ARMH4: variants seen among roughly 807,000 people sequenced by gnomAD.
ARMH4 encodes the protein armadillo-like helical domain-containing protein 4.
Under a neutral mutation model 61.9 loss-of-function variants are expected in ARMH4, and 49 were observed. The ratio of observed to expected loss-of-function variants is 0.79; its 90% confidence interval spans 0.63 to 1.00. The LOEUF is 1.00. Ranked by LOEUF, ARMH4 falls within the 50% of genes least tolerant of loss-of-function variation. The pLI, the probability that ARMH4 is intolerant of heterozygous loss-of-function variation, is 0.00. For missense variants in ARMH4, 934 were observed against 930.0 expected (o/e 1.00, Z -0.06); for synonymous variants, 368 against 341.5 (o/e 1.08, Z -0.85).
chr14:58,020,802 AAG>A (rs1471641593), intron 5 of ARMH4, among the ~76,000 whole-genome samples: 2 of 152,198 alleles, frequency 1.3e-5, no homozygotes, highest in African/African-American at 2.4e-5. Flanking sequence ...AGCAATGCTG[AAG>A]AGAGAGAGAA....
chr14:58,131,410 A>C, intron 4 of ARMH4, 102 bp downstream of exon 4: 11 of 899,612 alleles, frequency 1.2e-5, no homozygotes, highest in Non-Finnish European at 1.7e-5. Context: ...TCTGATCTAT[A>C]CTGCAGATTG....
At position 58,138,753 on chromosome 14, in the gene ARMH4, C is replaced by T. The variant is rs1314352596; in HGVS notation, c.606G>A (p.Leu202=). ...FATESQEGVG[L]GHSPSSYVNT... ...TCACATAGGATGAAGGTGAATGTCCCAAACCAACTCCTTCCTGACTTTCAG... is the reference window on the plus strand; with the variant it reads ...TCACATAGGATGAAGGTGAATGTCCTAAACCAACTCCTTCCTGACTTTCAG... The change falls in exon 2 of 8, where the codon TTG becomes TTA. Residue 202 remains leucine, a synonymous_variant. Coordinates refer to ENST00000267485, the MANE Select transcript of ARMH4 (RefSeq NM_001001872.4). 2 of 1,614,080 alleles carry T rather than the reference C, an allele frequency of 1.2e-6. No individual in the cohort carries two copies. The highest frequency in any genetic ancestry group is 1.3e-5 in the African/African-American group (1 of 74,942).
chr14:58,010,754 A>T (rs1381996437), intron 6 of ARMH4, among the ~76,000 whole-genome samples: 1 of 152,144 alleles, frequency 6.6e-6, no homozygotes, highest in Non-Finnish European at 1.5e-5. Flanking sequence ...AGGGAATGGT[A>T]AAGCTATATA....
chr14:58,022,299 A>T (rs4901833), intron 5 of ARMH4, among the ~76,000 whole-genome samples: 39,581 of 151,594 alleles, frequency 0.26, 5,360 homozygotes, highest in Non-Finnish European at 0.3. Context: ...TCTGACTCTA[A>T]CCCTCCTAAT....
intron 5 of ARMH4, among the ~76,000 whole-genome samples, chr14:58,082,770 C>T (rs537025135): frequency 1.1e-4 from 16 of 152,200 alleles, no homozygotes; most frequent in Admixed American, 5.9e-4. Flanking sequence ...TGGAGTTTTC[C>T]CAGTTTTCTG....
chr14:58,005,759 C>T (rs963395429), intron 6 of ARMH4, among the ~76,000 whole-genome samples: 2 of 152,066 alleles, frequency 1.3e-5, no homozygotes, highest in African/African-American at 2.4e-5. Flanking sequence ...AAAAAAAAGG[C>T]CTGCAAAGGC....
chr14:58,108,014 C>T lies in ARMH4; in HGVS notation c.1832-11033G>A, dbSNP rs2141282387. Among the ~76,000 whole-genome samples, 2 of 152,290 alleles carry T rather than the reference C, an allele frequency of 1.3e-5. 1 individual carries two copies. The highest frequency in any genetic ancestry group is 3.9e-4 in the East Asian group (2 of 5,180). ...GCCATTGTTTCCACCTATAAAGTGA[C>T]TGAAGCCCTAGAAATGACACTGCTT... is the stretch of plus-strand genomic sequence containing the variant. On this transcript the variant is annotated intron_variant, in intron 4 of 7. Transcript: ENST00000267485.
chr14:58,053,283 A>G (rs1171089029), intron 5 of ARMH4, among the ~76,000 whole-genome samples: 2 of 152,194 alleles, frequency 1.3e-5, no homozygotes, highest in African/African-American at 4.8e-5. Flanking sequence ...ATCCTATTTT[A>G]TGTGCCATTC....
intron 4 of ARMH4, among the ~76,000 whole-genome samples, chr14:58,098,064 A>C (rs1192362640): frequency 6.6e-6 from 1 of 151,786 alleles, no homozygotes. Context: ...TCTCCCCTTG[A>C]CTCTCGGCAC....
intron 5 of ARMH4, among the ~76,000 whole-genome samples, chr14:58,032,042 C>G (rs1392665299): frequency 6.6e-6 from 1 of 152,160 alleles, no homozygotes; most frequent in Non-Finnish European, 1.5e-5. Flanking sequence ...TCCAAACCTT[C>G]ACACTTATTC....
chr14:58,069,130 G>T (rs1280975989), intron 5 of ARMH4, among the ~76,000 whole-genome samples: 1 of 152,074 alleles, frequency 6.6e-6, no homozygotes, highest in Non-Finnish European at 1.5e-5. Context: ...GACTTACCTG[G>T]AAGATCAACA....
intron 4 of ARMH4, among the ~76,000 whole-genome samples, chr14:58,097,219 G>A (rs1885783959): frequency 2.0e-5 from 3 of 152,138 alleles, no homozygotes; most frequent in Admixed American, 6.5e-5. Flanking sequence ...TATGTTTACT[G>A]GGAGTCAAAG....
chr14:58,095,906 G>C (rs191790840), intron 5 of ARMH4, among the ~76,000 whole-genome samples: 5 of 152,326 alleles, frequency 3.3e-5, no homozygotes, highest in Admixed American at 2.0e-4. Context: ...GCATTTTAGA[G>C]AAGAGTTTCC....
At chr14:58,079,775 T>G (rs1417478367) in intron 5 of ARMH4, among the ~76,000 whole-genome samples, 1 of 152,206 alleles carries the variant, frequency 6.6e-6, no homozygotes, top group Non-Finnish European at 1.5e-5. Context: ...AGGACTCTCT[T>G]GTGATGAAAA....
chr14:58,054,075 C>T (rs1396003840), intron 5 of ARMH4, among the ~76,000 whole-genome samples: 2 of 152,192 alleles, frequency 1.3e-5, no homozygotes, highest in Non-Finnish European at 2.9e-5. Context: ...CCCCATTTTA[C>T]ACATGAGAAA....
Position 58,001,499 on chromosome 14 carries a change from T to C in ARMH4, c.*3237A>G, listed in dbSNP as rs1005409678. 2.0e-5 allele frequency: 3 copies of C among 152,206 alleles called. No individual in the cohort carries two copies. The highest frequency in any genetic ancestry group is 2.9e-5 in the Non-Finnish European group (2 of 68,034). 9.4% of individuals were successfully genotyped at this position (152,206 alleles called of 1,614,324 possible). On this transcript the variant is annotated 3_prime_UTR_variant, in exon 8 of 8. Transcript: ENST00000267485. ...TCTTCATACTGTTTTCCACAGTGGC[T>C]ATCCATTTTACATTCCCACCCACAG...
At chr14:58,100,884 C>A (rs1381235544) in intron 4 of ARMH4, 1 of 152,854 alleles carries the variant, frequency 6.5e-6, no homozygotes, top group East Asian at 1.9e-4. Context: ...AACCAGAGTG[C>A]AGAGTGAGGC....
At chr14:58,006,806 T>C (rs1269402407) in intron 6 of ARMH4, among the ~76,000 whole-genome samples, 1 of 151,940 alleles carries the variant, frequency 6.6e-6, no homozygotes, top group Admixed American at 6.6e-5. Flanking sequence ...ATACACCTAA[T>C]GTAAATGACA....
At chr14:58,086,708 C>G (rs1885395197) in intron 5 of ARMH4, among the ~76,000 whole-genome samples, 2 of 152,104 alleles carry the variant, frequency 1.3e-5, no homozygotes. Flanking sequence ...ATGCTGTGTG[C>G]TAGATGTTCT....
Sources: allele counts gnomAD v4.1 joint callset (sites outside exome capture counted in the v4.1 genomes callset), GRCh38; gene constraint gnomAD v4.1.1; transcripts MANE v1.5; gene names NCBI Gene and HGNC (gene_info 2026-07-23, HGNC 2026-07-21).